The following FN1 variants were observed in gnomAD, a reference collection of about 807,000 sequenced individuals.
The protein encoded by FN1 is fibronectin 1, also known as fibronectin.
FN1 carries 106 observed loss-of-function variants against 297.3 expected under a neutral mutation model. The observed-to-expected ratio is 0.36, with a 90% CI of 0.30 to 0.42. The LOEUF (loss-of-function observed/expected upper bound fraction) is 0.42, where lower values mean the gene tolerates loss of function less well. Ranked by LOEUF, FN1 falls within the 10% of genes least tolerant of loss-of-function variation. FN1 has a pLI of 1.00. For synonymous variants in FN1, 1,149 were observed against 1,152.6 expected (o/e 1.00, Z 0.06); for missense variants, 2,690 against 3,124.9 (o/e 0.86, Z 3.32).
Position 215,376,472 on chromosome 2 carries a change from G to A in FN1, c.5887+26C>T, listed in dbSNP as rs1354024875. On this transcript the variant is annotated intron_variant, in intron 36 of 45. Transcript: ENST00000354785. Reference sequence around the variant, plus strand: ...ACATTGTGGGTATTTGTTAACAAATGTGGTTAGTGCAATGAGTTCCCTGAC... The same window carrying A: ...ACATTGTGGGTATTTGTTAACAAATATGGTTAGTGCAATGAGTTCCCTGAC... The A allele has an allele frequency of 5.0e-6, 8 of 1,602,240 alleles. No homozygotes were observed. The African/African-American group carries it at 5.4e-5, about 11-fold the overall frequency.
chr2:215,414,710 A>G, intron 13 of FN1, 127 bp downstream of exon 13: 1 of 1,479,608 alleles, frequency 6.8e-7, no homozygotes, highest in African/African-American at 1.4e-5. Flanking sequence ...TTCACTAAAC[A>G]AATATAGTAA....
intron 21 of FN1, among the ~76,000 whole-genome samples, chr2:215,398,724 C>G (rs1259657740): frequency 1.3e-5 from 2 of 152,182 alleles, no homozygotes; most frequent in African/African-American, 4.8e-5. Context: ...CACCGCTTCC[C>G]TAATATCATT....
intron 40 of FN1, 111 bp from the exon 41 acceptor site, chr2:215,370,543 A>C: frequency 2.0e-6 from 1 of 505,870 alleles, no homozygotes; most frequent in Non-Finnish European, 3.2e-6. Context: ...AGGAAGACAA[A>C]AAACAAAAAA....
chr2:215,396,034 AT>A (rs2106131372), intron 23 of FN1, among the ~76,000 whole-genome samples: 1 of 152,366 alleles, frequency 6.6e-6, no homozygotes, highest in South Asian at 2.1e-4. Context: ...TAAAAGAGAT[AT>A]TCTGAGCTAG....
chr2:215,419,185 G>A (rs1456874772), intron 12 of FN1, 57 bp downstream of exon 12: 5 of 1,502,520 alleles, frequency 3.3e-6, no homozygotes, highest in Non-Finnish European at 4.6e-6. Context: ...AATAATCACT[G>A]CCCTGTTGTT....
At chr2:215,431,708 A>T in intron 4 of FN1, 125 bp downstream of exon 4, 1 of 1,016,728 alleles carries the variant, frequency 9.8e-7, no homozygotes, top group Non-Finnish European at 1.6e-6. Flanking sequence ...TTTCAAACAA[A>T]ATTCCCATTT....
intron 38 of FN1, 106 bp from the exon 39 acceptor site, chr2:215,373,517 C>G: frequency 1.1e-6 from 1 of 886,730 alleles, no homozygotes; most frequent in Non-Finnish European, 1.9e-6. Context: ...TCCTCTCCAG[C>G]TGGCTGTTGG....
At chr2:215,411,153 C>A (rs1346934534) in intron 13 of FN1, among the ~76,000 whole-genome samples, 1 of 152,174 alleles carries the variant, frequency 6.6e-6, no homozygotes, top group Non-Finnish European at 1.5e-5. Context: ...TTTATTTAAT[C>A]TTTTGCTTCC....
chr2:215,388,154 G>A (rs1444297207), intron 27 of FN1, 58 bp downstream of exon 27: 2 of 1,199,576 alleles, frequency 1.7e-6, no homozygotes, highest in East Asian at 2.3e-5. Flanking sequence ...CATTTCATTT[G>A]TTATACAGAA....
intron 12 of FN1, among the ~76,000 whole-genome samples, chr2:215,418,374 C>T (rs2063728822): frequency 6.6e-6 from 1 of 152,186 alleles, no homozygotes; most frequent in Admixed American, 6.5e-5. Flanking sequence ...AGCTTGTTCT[C>T]TGTCACAGTG....
intron 26 of FN1, among the ~76,000 whole-genome samples, chr2:215,390,182 ATTTG>A (rs140779901): frequency 0.038 from 5,752 of 151,792 alleles, 352 homozygotes; most frequent in African/African-American, 0.13. Context: ...CTTCATGTTT[ATTTG>A]TTTGTTTATT....
rs761391133 is a variant in FN1, at chr2:215,430,801, G to C, written c.599C>G (p.Thr200Arg). Reference protein sequence around the residue: ...AAGTSYVVGETWEKPYQGWMM... With the variant: ...AAGTSYVVGERWEKPYQGWMM... The stretch of plus-strand genomic sequence containing the variant: ...CCAGCCTTGGTAGGGCTTCTCCCAC[G>C]TTTCTCCGACCACATAGGAAGTCCC... Residue 200 changes from threonine to arginine, a missense_variant, in exon 5 of 46, where the codon ACG becomes AGG. Thr to Arg is a moderately conservative substitution (Grantham distance 71). Transcript: ENST00000354785. The C allele has an allele frequency of 3.7e-6, 6 of 1,613,930 alleles. No individual in the cohort carries two copies. The highest frequency in any genetic ancestry group is 5.1e-6 in the Non-Finnish European group (6 of 1,179,952).
intron 12 of FN1, among the ~76,000 whole-genome samples, chr2:215,416,589 TTAAA>T (rs1325271426): frequency 6.6e-6 from 1 of 152,192 alleles, no homozygotes; most frequent in Admixed American, 6.5e-5. Flanking sequence ...TATTGATCCT[TTAAA>T]TAAATCCTAC....
chr2:215,423,407 AC>A lies in FN1; in HGVS notation c.1335del (p.Trp445CysfsTer49). 6.2e-7 allele frequency: 1 copy of A among 1,614,206 alleles called. No individual in the cohort carries two copies. The highest frequency in any genetic ancestry group is 8.5e-7 in the Non-Finnish European group (1 of 1,180,026). On this transcript the variant is annotated frameshift_variant, in exon 9 of 46. Transcript: ENST00000354785. LOFTEE classifies it high-confidence loss of function. The stretch of plus-strand genomic sequence containing the variant: ...GCATCATAGTTCTGTGTGGTCCCAC[AC>A]CACTTCATGTTGTCTCTTCTGCCCT... ...TSEGRRDNMK[W>X]CGTTQNYDAD...
rs572785229 is a variant in FN1, at chr2:215,435,833, C to T, written c.-31G>A. The T allele has an allele frequency of 9.2e-6, 14 of 1,519,196 alleles. No individual in the cohort carries two copies. In the South Asian group the frequency reaches 1.3e-4, roughly 14 times the overall value. 94.1% of individuals were successfully genotyped at this position (1,519,196 alleles called of 1,614,324 possible). On this transcript the variant is annotated 5_prime_UTR_variant, in exon 1 of 46. Transcript: ENST00000354785. The stretch of plus-strand genomic sequence containing the variant: ...GACGGTGGGGGAGAGACGCCCGCAC[C>T]GGGAGGCAAGTTGCCACCAAGTTTG...
chr2:215,415,504 C>A (rs2063314234), intron 12 of FN1, among the ~76,000 whole-genome samples: 1 of 152,112 alleles, frequency 6.6e-6, no homozygotes, highest in Non-Finnish European at 1.5e-5. Context: ...TAATTAAAGA[C>A]CTAGTTTTAT....
intron 20 of FN1, among the ~76,000 whole-genome samples, chr2:215,401,312 G>T (rs1344358960): frequency 1.1e-4 from 16 of 140,118 alleles, no homozygotes; most frequent in Non-Finnish European, 1.2e-4. Flanking sequence ...AAGGAAGGAA[G>T]GAAGGAAAGA....
chr2:215,434,944 T>C (rs2067206332), intron 1 of FN1, 120 bp from the exon 2 acceptor site: 1 of 1,102,366 alleles, frequency 9.1e-7, no homozygotes. Flanking sequence ...CTAAAAGTTA[T>C]ATACAATGAT....
intron 41 of FN1, among the ~76,000 whole-genome samples, chr2:215,368,297 T>C (rs981430996): frequency 4.4e-4 from 67 of 152,182 alleles, no homozygotes; most frequent in Admixed American, 8.5e-4. Context: ...AACTACTTCA[T>C]AGAACATGGA....
Sources: allele counts gnomAD v4.1 joint callset (sites outside exome capture counted in the v4.1 genomes callset), GRCh38; gene constraint gnomAD v4.1.1; transcripts MANE v1.5; gene names NCBI Gene and HGNC (gene_info 2026-07-23, HGNC 2026-07-21).